The following KCNQ3 variants were observed in gnomAD, a reference collection of about 807,000 sequenced individuals.
KCNQ3 encodes potassium voltage-gated channel subfamily Q member 3, also known as potassium voltage-gated channel subfamily KQT member 3.
Under a neutral mutation model 92.5 loss-of-function variants are expected in KCNQ3, and 30 were observed. That is an observed-to-expected ratio of 0.32 (90% CI 0.24 to 0.44). KCNQ3 has a LOEUF of 0.44. Ranked by LOEUF, KCNQ3 falls within the 20% of genes least tolerant of loss-of-function variation. The pLI is 1.00. For synonymous variants in KCNQ3, 450 were observed against 468.8 expected, an observed-to-expected ratio of 0.96 and a Z score of 0.52; for missense variants, 913 against 1,140.3, an observed-to-expected ratio of 0.80 and a Z score of 2.87.
chr8:132,365,296 C>T (rs756500180), intron 1 of KCNQ3, among the ~76,000 whole-genome samples: 3 of 152,244 alleles, frequency 2.0e-5, no homozygotes, highest in Non-Finnish European at 1.5e-5. Context: ...GTGTTAGATG[C>T]CTCCAACTTG....
At chr8:132,470,286 G>A (rs1477515887) in intron 1 of KCNQ3, among the ~76,000 whole-genome samples, 2 of 152,210 alleles carry the variant, frequency 1.3e-5, no homozygotes, top group Non-Finnish European at 2.9e-5. Context: ...GTTTGTGTGT[G>A]TTGAGTCTTC....
intron 1 of KCNQ3, among the ~76,000 whole-genome samples, chr8:132,282,695 A>G (rs1158993731): frequency 6.6e-6 from 1 of 152,234 alleles, no homozygotes; most frequent in African/African-American, 2.4e-5. Flanking sequence ...CAGCTTAGGC[A>G]CAAAGGCAGG....
intron 1 of KCNQ3, among the ~76,000 whole-genome samples, chr8:132,364,265 T>C (rs1819253248): frequency 6.6e-6 from 1 of 152,174 alleles, no homozygotes; most frequent in Non-Finnish European, 1.5e-5. Flanking sequence ...ATTTGAAACA[T>C]TTAAACTGTG....
chr8:132,168,717 A>ATGTGTGTGTGTGTGTGTGTGTGTG (rs568659056), intron 8 of KCNQ3, among the ~76,000 whole-genome samples: 3 of 108,464 alleles, frequency 2.8e-5, no homozygotes. Context: ...GATAATGAAT[A>ATGTGTGTGTGTGTGTGTGTGTGTG]TGTGTGTGTG....
intron 1 of KCNQ3, among the ~76,000 whole-genome samples, chr8:132,348,150 T>C (rs1287892541): frequency 6.6e-6 from 1 of 152,066 alleles, no homozygotes; most frequent in Non-Finnish European, 1.5e-5. Context: ...GATCTGCTCC[T>C]ACAAGTTAAC....
rs773672399 is a variant in KCNQ3 at position 132,129,846 on chromosome 8, C to G, written c.2035G>C (p.Asp679His). 4 of 1,614,004 alleles carry G rather than the reference C, an allele frequency of 2.5e-6. No homozygotes were observed. The African/African-American group carries it at 5.3e-5, about 22-fold the overall frequency. The change falls in exon 15 of 15, where the codon GAT becomes CAT. Residue 679 changes from aspartate (D) to histidine (H), a missense_variant. By Grantham distance (81) the Asp-to-His change is moderately conservative. Transcript: ENST00000388996. The surrounding 1 kb of genome is among the most constrained non-coding windows in gnomAD (Gnocchi z 5.9). Reference protein sequence around the residue: ...AEKKEDNRYSDLKTIICNYSE... With the variant: ...AEKKEDNRYSHLKTIICNYSE... ...TAGTTGCAGATGATGGTTTTCAAAT[C>G]GGAATACCTGTTGTCCTCCTTCTTC...
chr8:132,404,042 A>G (rs984503047), intron 1 of KCNQ3, among the ~76,000 whole-genome samples: 1 of 152,156 alleles, frequency 6.6e-6, no homozygotes, highest in African/African-American at 2.4e-5. Flanking sequence ...ATCTCCACAG[A>G]CCAGCCCTTG....
intron 1 of KCNQ3, among the ~76,000 whole-genome samples, chr8:132,453,919 A>G (rs936557381): frequency 2.6e-5 from 4 of 152,196 alleles, no homozygotes; most frequent in African/African-American, 9.6e-5. Context: ...TTCCGAGAGC[A>G]GCTTCCAATG....
intron 1 of KCNQ3, among the ~76,000 whole-genome samples, chr8:132,204,437 C>T (rs1356946138): frequency 6.6e-6 from 1 of 152,210 alleles, no homozygotes; most frequent in Non-Finnish European, 1.5e-5. Context: ...CACATCTGGT[C>T]TACCTCTATG....
At position 132,480,704 on chromosome 8, in the gene KCNQ3, T is replaced by TG; in HGVS notation, c.-173dup. On this transcript the variant is annotated 5_prime_UTR_variant, in exon 1 of 15. Coordinates refer to ENST00000388996, the MANE Select transcript of KCNQ3 (RefSeq NM_004519.4). ...CAAAAGCAGGCAAAGGCGGGCCCCC[T>TG]GGGGGGCAGGGGAGGCCAGGCAGGG... 5.1e-6 allele frequency: 3 copies of TG among 585,998 alleles called. No individual in the cohort carries two copies. Among genetic ancestry groups the TG allele is most frequent in the East Asian group, 1.7e-4 (1 of 5,738 alleles). The allele number at this position is 585,998 out of a possible 1,614,324, so 36.3% of individuals were successfully genotyped here. A position where few individuals can be genotyped will look rare whatever the true frequency, so the allele number is the denominator to read the frequency against.
At chr8:132,206,841 A>G (rs1813676098) in intron 1 of KCNQ3, among the ~76,000 whole-genome samples, 1 of 151,368 alleles carries the variant, frequency 6.6e-6, no homozygotes, top group African/African-American at 2.4e-5. Flanking sequence ...AGTTTCATTT[A>G]TTTCTGCTCT....
In KCNQ3 at chr8:132,124,249, G is replaced by T. The variant is rs1439510046; in HGVS notation, c.*5013C>A. 6.6e-6 allele frequency: 1 copy of T among 151,594 alleles called. No homozygotes were observed. The highest frequency in any genetic ancestry group is 6.6e-5 in the Admixed American group (1 of 15,186). 9.4% of individuals were successfully genotyped at this position (151,594 alleles called of 1,614,324 possible). ...AGCATTTGATTTAATAATTAGGATT[G>T]TTTCTCCACGATTCTTTTTCTGAAA... On this transcript the variant is annotated 3_prime_UTR_variant, in exon 15 of 15. Transcript: ENST00000388996.
At chr8:132,437,142 G>A (rs1465473179) in intron 1 of KCNQ3, among the ~76,000 whole-genome samples, 6 of 151,800 alleles carry the variant, frequency 4.0e-5, no homozygotes, top group Non-Finnish European at 8.8e-5. Context: ...AGCCGGGCGA[G>A]GTGGCGGGCA....
chr8:132,319,894 T>A (rs1299522322), intron 1 of KCNQ3, among the ~76,000 whole-genome samples: 1 of 152,194 alleles, frequency 6.6e-6, no homozygotes, highest in Non-Finnish European at 1.5e-5. Context: ...ATGGCAGACC[T>A]CAATCTAACC....
chr8:132,216,872 G>T (rs113442297), intron 1 of KCNQ3, among the ~76,000 whole-genome samples: 61 of 152,210 alleles, frequency 4.0e-4, no homozygotes, highest in African/African-American at 1.4e-3. Flanking sequence ...AAGTGTGCTG[G>T]TGCCAATTCC....
At chr8:132,264,362 GC>G (rs1293429368) in intron 1 of KCNQ3, among the ~76,000 whole-genome samples, 2 of 152,148 alleles carry the variant, frequency 1.3e-5, no homozygotes, top group African/African-American at 4.8e-5. Context: ...CCAGCCCCCA[GC>G]TATCAGGAGG....
intron 1 of KCNQ3, among the ~76,000 whole-genome samples, chr8:132,361,723 A>G (rs574920160): frequency 6.6e-6 from 1 of 152,200 alleles, no homozygotes; most frequent in African/African-American, 2.4e-5. Context: ...AAAGAACAGA[A>G]AAACAAAATT....
chr8:132,416,959 C>G (rs772718740), intron 1 of KCNQ3, among the ~76,000 whole-genome samples: 1 of 152,124 alleles, frequency 6.6e-6, no homozygotes, highest in African/African-American at 2.4e-5. Context: ...CAAGGGGACA[C>G]GTCTGAGGGA....
At chr8:132,148,570 C>G (rs977623469) in intron 9 of KCNQ3, among the ~76,000 whole-genome samples, 1 of 152,242 alleles carries the variant, frequency 6.6e-6, no homozygotes, top group African/African-American at 2.4e-5. Context: ...GATCCTCAGA[C>G]AGCTGATAAA....
Sources: gnomAD v4.1 joint callset for allele counts (sites outside exome capture counted in the v4.1 genomes callset) on GRCh38, gnomAD v4.1.1 for gene constraint, Gnocchi (gnomAD v3.1) non-coding constraint, MANE v1.5 for transcripts, NCBI Gene and HGNC (gene_info 2026-07-23, HGNC 2026-07-21) for gene names.